The following MKLN1 variants were observed in gnomAD, a reference collection of about 807,000 sequenced individuals.
The protein encoded by MKLN1 is muskelin 1.
In MKLN1, 18 loss-of-function variants were observed where a neutral mutation model predicts 99.0. The ratio of observed to expected loss-of-function variants is 0.18; its 90% CI spans 0.13 to 0.27. The LOEUF is 0.27. Among genes scored for constraint, MKLN1 ranks in the 10% least tolerant of loss-of-function variants. The pLI is 1.00. For synonymous variants in MKLN1, 288 were observed against 293.2 expected (o/e 0.98, Z 0.18); for missense variants, 621 against 875.9 (o/e 0.71, Z 3.67).
chr7:131,367,006 T>A lies in MKLN1; in HGVS notation c.99-8418T>A, dbSNP rs187416824. Among the ~76,000 whole-genome samples, 20 of 152,334 alleles carry A rather than the reference T, an allele frequency of 1.3e-4. No individual in the cohort carries two copies. In the East Asian group the frequency reaches 3.7e-3, roughly 28 times the overall value. On this transcript the variant is annotated intron_variant, in intron 1 of 17. Transcript: ENST00000352689. The stretch of plus-strand genomic sequence containing the variant: ...TGGTAGTATATACAGATATAGTAGA[T>A]TTTAAAATATGCAAAAATAAAGACA...
intron 9 of MKLN1, among the ~76,000 whole-genome samples, chr7:131,429,864 G>A (rs948505920): frequency 3.3e-5 from 5 of 152,232 alleles, no homozygotes; most frequent in East Asian, 1.9e-4. Context: ...ATAGGCGTGA[G>A]CCACTGCGCC....
At chr7:131,239,521 T>C (rs527415883) in intron 3 of MKLN1, among the ~76,000 whole-genome samples, 4 of 152,034 alleles carry the variant, frequency 2.6e-5, no homozygotes, top group Admixed American at 2.6e-4. Flanking sequence ...TCTTGCTAGG[T>C]TGCCCAGACT....
At chr7:131,418,051 C>T (rs1333168046) in intron 8 of MKLN1, among the ~76,000 whole-genome samples, 2 of 152,108 alleles carry the variant, frequency 1.3e-5, no homozygotes, top group East Asian at 1.9e-4. Flanking sequence ...GAAATTGTCT[C>T]GTTAGCACCA....
intron 2 of MKLN1, among the ~76,000 whole-genome samples, chr7:131,160,108 C>T (rs1796025103): frequency 1.3e-5 from 2 of 152,154 alleles, no homozygotes; most frequent in Admixed American, 1.3e-4. Context: ...CTGGCAACCA[C>T]TTATCTGCTT....
intron 3 of MKLN1, among the ~76,000 whole-genome samples, chr7:131,244,317 G>T (rs528421788): frequency 1.3e-5 from 2 of 152,148 alleles, no homozygotes; most frequent in Non-Finnish European, 1.5e-5. Context: ...TTCATGACCC[G>T]CTCCTCCCTC....
chr7:131,301,818 T>G (rs1190377991), intron 3 of MKLN1, among the ~76,000 whole-genome samples: 1 of 152,118 alleles, frequency 6.6e-6, no homozygotes, highest in Middle Eastern at 3.2e-3. Context: ...GAAACTTATT[T>G]AACCTGCCCA....
chr7:131,227,687 T>C (rs923184075), intron 3 of MKLN1, among the ~76,000 whole-genome samples: 1 of 151,472 alleles, frequency 6.6e-6, no homozygotes, highest in African/African-American at 2.4e-5. Flanking sequence ...TGCCTCAGCC[T>C]CTGGAGTAGC....
chr7:131,242,277 T>C (rs6963726), intron 3 of MKLN1, among the ~76,000 whole-genome samples: 38,890 of 152,102 alleles, frequency 0.26, 5,477 homozygotes, highest in African/African-American at 0.36. Context: ...GGCTCACGCC[T>C]GTAATCCCAG....
chr7:131,367,931 G>A (rs1800229304), intron 1 of MKLN1, among the ~76,000 whole-genome samples: 1 of 152,152 alleles, frequency 6.6e-6, no homozygotes, highest in South Asian at 2.1e-4. Context: ...TATCATGATT[G>A]ACATATGTAG....
At chr7:131,407,272 A>G (rs1011719876) in intron 6 of MKLN1, among the ~76,000 whole-genome samples, 5 of 151,772 alleles carry the variant, frequency 3.3e-5, no homozygotes, top group South Asian at 2.1e-4. Context: ...CTACTTTCCA[A>G]CTGCTTATAT....
chr7:131,341,809 T>C (rs981984302), intron 1 of MKLN1, among the ~76,000 whole-genome samples: 5 of 152,192 alleles, frequency 3.3e-5, no homozygotes, highest in African/African-American at 1.2e-4. Context: ...TCATAGTAGG[T>C]TGGTGCTCCT....
Position 131,496,352 on chromosome 7 carries a change from T to C in MKLN1, c.*8624T>C, listed in dbSNP as rs550634137. Reference sequence around the variant, plus strand: ...TTCTGACATCAATTGTTTCAAATCATTGTTGGGCTCTGTCGTGTTCTGCAA... The same window carrying C: ...TTCTGACATCAATTGTTTCAAATCACTGTTGGGCTCTGTCGTGTTCTGCAA... On this transcript the variant is annotated 3_prime_UTR_variant, in exon 18 of 18. Coordinates refer to ENST00000352689, the MANE Select transcript of MKLN1 (RefSeq NM_013255.5). The C allele has an allele frequency of 1.3e-5, 2 of 152,250 alleles. No homozygotes were observed. Among genetic ancestry groups the C allele is most frequent in the East Asian group, 3.9e-4 (2 of 5,190 alleles). 9.4% of individuals were successfully genotyped at this position (152,250 alleles called of 1,614,324 possible).
intron 12 of MKLN1, among the ~76,000 whole-genome samples, chr7:131,451,801 T>C (rs1796186872): frequency 6.6e-6 from 1 of 152,216 alleles, no homozygotes; most frequent in South Asian, 2.1e-4. Context: ...ATTCCCCATA[T>C]GTAAGCTCTG....
intron 1 of MKLN1, among the ~76,000 whole-genome samples, chr7:131,354,362 C>T (rs1799810518): frequency 1.3e-5 from 2 of 148,928 alleles, no homozygotes; most frequent in South Asian, 2.1e-4. Flanking sequence ...TAAAAATATT[C>T]TTCCTTCATT....
intron 2 of MKLN1, among the ~76,000 whole-genome samples, chr7:131,200,656 A>G (rs1796713563): frequency 1.3e-5 from 2 of 152,232 alleles, no homozygotes; most frequent in South Asian, 4.1e-4. Flanking sequence ...TAATTACTTA[A>G]TCAAAAGTAC....
chr7:131,349,958 TTAC>T (rs1410814080), intron 1 of MKLN1, among the ~76,000 whole-genome samples: 1 of 151,954 alleles, frequency 6.6e-6, no homozygotes, highest in African/African-American at 2.4e-5. Context: ...TTAGAGATAA[TTAC>T]TACATGCTTA....
chr7:131,483,701 CA>C (rs1170569508), intron 17 of MKLN1, among the ~76,000 whole-genome samples: 2 of 152,156 alleles, frequency 1.3e-5, no homozygotes, highest in African/African-American at 4.8e-5. Flanking sequence ...ACCAAAAACA[CA>C]AAAATGTGGC....
intron 3 of MKLN1, among the ~76,000 whole-genome samples, chr7:131,307,556 C>T (rs1309558514): frequency 6.6e-6 from 1 of 152,192 alleles, no homozygotes; most frequent in East Asian, 1.9e-4. Flanking sequence ...TGGGAGCCTA[C>T]CTCTTGCATC....
At chr7:131,383,515 C>T (rs371894874) in intron 2 of MKLN1, among the ~76,000 whole-genome samples, 7 of 152,322 alleles carry the variant, frequency 4.6e-5, no homozygotes, top group African/African-American at 1.7e-4. Flanking sequence ...GAAAAGCTGT[C>T]TAGCAAACCC....
Sources: allele counts gnomAD v4.1 joint callset (sites outside exome capture counted in the v4.1 genomes callset), GRCh38; gene constraint gnomAD v4.1.1; transcripts MANE v1.5; gene names NCBI Gene and HGNC (gene_info 2026-07-23, HGNC 2026-07-21).